The following AGBL1 variants were observed in gnomAD, a reference collection of about 807,000 sequenced individuals.
AGBL1 encodes the protein cytosolic carboxypeptidase 4.
AGBL1 carries 130 observed loss-of-function variants against 118.9 expected under a neutral mutation model. The ratio of observed to expected loss-of-function variants is 1.09; its 90% CI spans 0.95 to 1.26. The LOEUF (loss-of-function observed/expected upper bound fraction) is 1.26. Ranked by LOEUF, AGBL1 falls within the 50% of genes most tolerant of loss-of-function variation. The probability of loss-of-function intolerance (pLI) is 0.00; values close to 1 mark genes in which losing one functional copy is unlikely to be tolerated. For synonymous variants in AGBL1, 555 were observed against 478.9 expected (o/e 1.16, Z -2.08); for missense variants, 1,584 against 1,298.1 (o/e 1.22, Z -3.38).
chr15:86,756,513 A>G (rs771335733), intron 22 of AGBL1, among the ~76,000 whole-genome samples: 30 of 150,678 alleles, frequency 2.0e-4, no homozygotes, highest in Non-Finnish European at 3.4e-4. Context: ...TAAGAAGGGA[A>G]GGGCAGAGTT....
At chr15:86,764,215 T>C (rs2078065794) in intron 22 of AGBL1, among the ~76,000 whole-genome samples, 1 of 151,914 alleles carries the variant, frequency 6.6e-6, no homozygotes, top group Non-Finnish European at 1.5e-5. Flanking sequence ...AAACCAGGGA[T>C]TGAAGGGCAG....
At chr15:87,025,913 C>T (rs1054969414) in intron 24 of AGBL1, among the ~76,000 whole-genome samples, 8 of 151,952 alleles carry the variant, frequency 5.3e-5, no homozygotes, top group African/African-American at 1.9e-4. Flanking sequence ...GGGGAAAGGA[C>T]ACCCTTTTCA....
At chr15:86,209,174 TGA>T (rs2078047850) in intron 5 of AGBL1, among the ~76,000 whole-genome samples, 1 of 152,246 alleles carries the variant, frequency 6.6e-6, no homozygotes. Context: ...CACTGTGGTC[TGA>T]GAGACAGTTT....
chr15:86,454,547 A>G (rs2082237189), intron 18 of AGBL1, among the ~76,000 whole-genome samples: 1 of 152,228 alleles, frequency 6.6e-6, no homozygotes, highest in South Asian at 2.1e-4. Context: ...AATCCATGCA[A>G]TGAAATACTA....
chr15:86,946,566 G>A (rs1044608176), intron 23 of AGBL1, among the ~76,000 whole-genome samples: 4 of 152,084 alleles, frequency 2.6e-5, no homozygotes, highest in Non-Finnish European at 4.4e-5. Context: ...ACCATGAGGA[G>A]GTTGGGCGCA....
intron 17 of AGBL1, among the ~76,000 whole-genome samples, chr15:86,366,306 C>G (rs74651073): frequency 0.043 from 6,481 of 152,208 alleles, 283 homozygotes; most frequent in East Asian, 0.21. Context: ...CAAAGTAGTA[C>G]TTATTTAATG....
chr15:86,430,092 A>T (rs191740801), intron 18 of AGBL1, among the ~76,000 whole-genome samples: 26 of 152,334 alleles, frequency 1.7e-4, no homozygotes, highest in Non-Finnish European at 1.5e-5. Flanking sequence ...TATGTTGGAG[A>T]GTATACTTAG....
chr15:86,602,962 G>C (rs1024445887), intron 21 of AGBL1, among the ~76,000 whole-genome samples: 30 of 152,108 alleles, frequency 2.0e-4, no homozygotes, highest in African/African-American at 7.2e-4. Context: ...TCTCACCCTG[G>C]CTGCTGACAT....
At chr15:86,331,467 C>T (rs112751478) in intron 17 of AGBL1, among the ~76,000 whole-genome samples, 4,026 of 152,108 alleles carry the variant, frequency 0.026, 70 homozygotes, top group Middle Eastern at 0.071. Flanking sequence ...CTGCAAGATG[C>T]TACAATGATG....
chr15:86,460,490 C>G (rs1419607565), intron 18 of AGBL1, among the ~76,000 whole-genome samples: 3 of 150,936 alleles, frequency 2.0e-5, no homozygotes, highest in Non-Finnish European at 4.4e-5. Flanking sequence ...ACAGAACAAT[C>G]CCTTGTGTCT....
rs2080485193 is a variant in AGBL1 at position 86,343,045 on chromosome 15, G to C, written c.2374+47637G>C. ...AATGATCTTCACTAACTTAGACATA[G>C]TCTTGGGGGTCAAGGATAAAGGTGG... is the stretch of plus-strand genomic sequence containing the variant. On this transcript the variant is annotated intron_variant, in intron 17 of 22. Coordinates refer to ENST00000614907, the MANE Select transcript of AGBL1 (RefSeq NM_001386094.1). 2.6e-5 allele frequency among the ~76,000 whole-genome samples: 4 copies of C among 152,162 alleles called. No individual in the cohort carries two copies. In the South Asian group the frequency reaches 8.3e-4, roughly 32 times the overall value.
Position 86,388,071 on chromosome 15 carries a change from C to A in AGBL1, c.2375-9295C>A, listed in dbSNP as rs577892960. Among the ~76,000 whole-genome samples the A allele has an allele frequency of 2.6e-5, 4 of 152,176 alleles. No homozygotes were observed. In the East Asian group the frequency reaches 7.7e-4, roughly 29 times the overall value. ...ATGATAATCTGGTCAGTTTATTATT[C>A]CAGTGGTATATGGGTCAGAAAGATC... On this transcript the variant is annotated intron_variant, in intron 17 of 22. Coordinates refer to ENST00000614907, the MANE Select transcript of AGBL1 (RefSeq NM_001386094.1).
intron 18 of AGBL1, among the ~76,000 whole-genome samples, chr15:86,400,035 A>G (rs1596068112): frequency 1.3e-5 from 2 of 152,278 alleles, no homozygotes; most frequent in Admixed American, 1.3e-4. Flanking sequence ...GACTGCCTGA[A>G]TGGATAATGC....
intron 6 of AGBL1, among the ~76,000 whole-genome samples, chr15:86,230,006 A>G (rs2078429781): frequency 6.6e-6 from 1 of 152,222 alleles, no homozygotes; most frequent in Admixed American, 6.5e-5. Context: ...CAGAAAAGCA[A>G]GTTAGCAAAG....
At chr15:86,929,612 C>T (rs1268684143) in intron 23 of AGBL1, among the ~76,000 whole-genome samples, 2 of 152,188 alleles carry the variant, frequency 1.3e-5, no homozygotes, top group Non-Finnish European at 2.9e-5. Context: ...AAGAGCAGTG[C>T]CCAGAGGTTC....
intron 22 of AGBL1, among the ~76,000 whole-genome samples, chr15:86,901,990 C>T (rs1596612879): frequency 2.0e-5 from 3 of 152,066 alleles, no homozygotes; most frequent in Non-Finnish European, 2.9e-5. Flanking sequence ...GTATGCAGGT[C>T]CCACAGTTCA....
At chr15:86,229,192 C>T (rs2078416154) in intron 6 of AGBL1, among the ~76,000 whole-genome samples, 1 of 152,118 alleles carries the variant, frequency 6.6e-6, no homozygotes, top group South Asian at 2.1e-4. Flanking sequence ...GTTTTTCCCT[C>T]TGTATTAGTC....
intron 21 of AGBL1, among the ~76,000 whole-genome samples, chr15:86,637,103 G>T (rs1021614257): frequency 6.6e-6 from 1 of 151,974 alleles, no homozygotes; most frequent in Non-Finnish European, 1.5e-5. Context: ...GATGACAGAG[G>T]ATGGACAAAA....
intron 22 of AGBL1, among the ~76,000 whole-genome samples, chr15:86,692,974 T>C (rs924324579): frequency 6.6e-6 from 1 of 152,204 alleles, no homozygotes; most frequent in African/African-American, 2.4e-5. Context: ...TTCCATTCCA[T>C]ATAGATATAT....
Sources: allele counts gnomAD v4.1 joint callset (sites outside exome capture counted in the v4.1 genomes callset), GRCh38; gene constraint gnomAD v4.1.1; transcripts MANE v1.5; gene names NCBI Gene and HGNC (gene_info 2026-07-23, HGNC 2026-07-21).